CALN1: variants seen among roughly 807,000 people sequenced by gnomAD.
The protein encoded by CALN1 is calneuron 1.
CALN1 carries 17 observed loss-of-function variants against 30.6 expected under a neutral mutation model. The observed-to-expected ratio is 0.56, with a 90% CI of 0.38 to 0.83. The LOEUF (loss-of-function observed/expected upper bound fraction) is 0.83. Ranked by LOEUF, CALN1 falls within the 40% of genes least tolerant of loss-of-function variation. The probability of loss-of-function intolerance (pLI) is 0.00; values close to 1 mark genes in which losing one functional copy is unlikely to be tolerated. For missense variants in CALN1, 291 were observed against 354.9 expected (o/e 0.82, Z 1.45); for synonymous variants, 156 against 131.4 (o/e 1.19, Z -1.28).
At position 72,021,454 on chromosome 7, in the gene CALN1, G is replaced by A. The variant is rs1186811736; in HGVS notation, c.501+2203C>T. 2.6e-5 allele frequency among the ~76,000 whole-genome samples: 4 copies of A among 152,156 alleles called. No individual in the cohort carries two copies. In the East Asian group the frequency reaches 5.8e-4, roughly 22 times the overall value. On this transcript the variant is annotated intron_variant, in intron 5 of 6. Transcript: ENST00000395275. ...TATTCCTTCATCTTCTGAACTCTGGGGTCATTTCTTATTTCCACCAGGGGA... is the reference window on the plus strand; with the variant it reads ...TATTCCTTCATCTTCTGAACTCTGGAGTCATTTCTTATTTCCACCAGGGGA...
chr7:72,457,233 C>T, the CALN1 span, among the ~76,000 whole-genome samples: 1 of 152,106 alleles, frequency 6.6e-6, no homozygotes, highest in African/African-American at 2.4e-5. Flanking sequence ...TGGTCTCGAA[C>T]TCCTGACCTC....
At chr7:72,126,654 T>G (rs1808786173) in intron 3 of CALN1, among the ~76,000 whole-genome samples, 1 of 152,122 alleles carries the variant, frequency 6.6e-6, no homozygotes, top group Non-Finnish European at 1.5e-5. Context: ...ATATCATGTT[T>G]ATGCCTTTGC....
chr7:71,789,023 A>G (rs60553184), intron 6 of CALN1, among the ~76,000 whole-genome samples: 55,060 of 151,824 alleles, frequency 0.36, 10,382 homozygotes, highest in East Asian at 0.61. Context: ...GTATAATCTC[A>G]AACTCCTGAG....
chr7:71,894,807 T>G (rs879787123), intron 5 of CALN1, among the ~76,000 whole-genome samples: 9 of 152,238 alleles, frequency 5.9e-5, no homozygotes, highest in Non-Finnish European at 1.2e-4. Context: ...GTAGTTTAAT[T>G]TGTATCAATT....
intron 5 of CALN1, among the ~76,000 whole-genome samples, chr7:71,900,232 TA>T (rs1252608147): frequency 6.6e-6 from 1 of 152,190 alleles, no homozygotes; most frequent in East Asian, 1.9e-4. Context: ...TAACTATGGT[TA>T]TTTTTTTAAA....
At chr7:72,179,375 G>A (rs182016865) in intron 3 of CALN1, among the ~76,000 whole-genome samples, 295 of 152,124 alleles carry the variant, frequency 1.9e-3, no homozygotes, top group Middle Eastern at 6.8e-3. Context: ...AATGGCTAGC[G>A]CTGGCAAATA....
rs74680256 is a variant in CALN1 at position 71,962,505 on chromosome 7, C to T, written c.501+61152G>A. Among the ~76,000 whole-genome samples the T allele has an allele frequency of 6.6e-5, 10 of 152,320 alleles. No individual in the cohort carries two copies. The East Asian group carries it at 1.9e-3, about 29-fold the overall frequency. On this transcript the variant is annotated intron_variant, in intron 5 of 6. Transcript: ENST00000395275. The stretch of plus-strand genomic sequence containing the variant: ...GCAAAAGCCATGCCATATTTGAGCC[C>T]TCTGCATTTGCTACCGTTTGAATGG...
chr7:72,441,638 A>G (rs1231697869), intron 1 of CALN1, among the ~76,000 whole-genome samples: 3 of 150,490 alleles, frequency 2.0e-5, no homozygotes, highest in Non-Finnish European at 4.4e-5. Context: ...AGAATGAGCT[A>G]TAAGTCTTGG....
the CALN1 span, among the ~76,000 whole-genome samples, chr7:72,481,039 G>A: frequency 6.6e-6 from 1 of 151,968 alleles, no homozygotes; most frequent in African/African-American, 2.4e-5. Context: ...TGTGACCTCC[G>A]CTTCCCGGGT....
intron 2 of CALN1, among the ~76,000 whole-genome samples, chr7:72,378,742 A>C (rs1211439181): frequency 6.7e-6 from 1 of 148,292 alleles, no homozygotes; most frequent in South Asian, 2.1e-4. Flanking sequence ...CTTTTTCTGT[A>C]TTTTTAGTAG....
chr7:72,275,944 TTGCCTTA>T (rs1262561457), intron 3 of CALN1, among the ~76,000 whole-genome samples: 1 of 152,126 alleles, frequency 6.6e-6, no homozygotes, highest in Non-Finnish European at 1.5e-5. Context: ...CCCTGAACAG[TTGCCTTA>T]GCAGAGCTTG....
At chr7:72,292,491 GC>G (rs1297957710) in intron 2 of CALN1, among the ~76,000 whole-genome samples, 1 of 148,994 alleles carries the variant, frequency 6.7e-6, no homozygotes, top group Non-Finnish European at 1.5e-5. Flanking sequence ...CCTCTCAAAG[GC>G]CATATCTGCT....
At chr7:72,405,882 G>T (rs576876720) in intron 1 of CALN1, among the ~76,000 whole-genome samples, 35 of 152,220 alleles carry the variant, frequency 2.3e-4, no homozygotes, top group Non-Finnish European at 4.1e-4. Context: ...CTCTTGTCAG[G>T]TCCCCCCAGG....
At chr7:72,294,544 G>C (rs1798716726) in intron 2 of CALN1, among the ~76,000 whole-genome samples, 1 of 151,948 alleles carries the variant, frequency 6.6e-6, no homozygotes, top group African/African-American at 2.4e-5. Flanking sequence ...GAGGCCAGGA[G>C]TTTGAGACCA....
At chr7:71,849,202 T>C (rs1309349404) in intron 5 of CALN1, among the ~76,000 whole-genome samples, 1 of 152,190 alleles carries the variant, frequency 6.6e-6, no homozygotes, top group Non-Finnish European at 1.5e-5. Flanking sequence ...TGTAGCTTTT[T>C]TACATCTCCA....
chr7:72,440,720 C>T (rs1402871225), intron 1 of CALN1, among the ~76,000 whole-genome samples: 3 of 152,032 alleles, frequency 2.0e-5, no homozygotes, highest in East Asian at 1.9e-4. Flanking sequence ...CCAGCTACTC[C>T]GGAGGCTGAA....
intron 2 of CALN1, among the ~76,000 whole-genome samples, chr7:72,310,987 G>T (rs1423109081): frequency 6.7e-6 from 1 of 150,018 alleles, no homozygotes; most frequent in Non-Finnish European, 1.5e-5. Context: ...ATATGACATT[G>T]AAAGGCACGG....
chr7:72,445,622 G>A (rs777162402), intron 1 of CALN1, among the ~76,000 whole-genome samples: 2 of 152,116 alleles, frequency 1.3e-5, no homozygotes, highest in Admixed American at 6.6e-5. Context: ...TCCATCAAGC[G>A]CTTCACTCAT....
At chr7:71,899,587 A>G (rs941984253) in intron 5 of CALN1, among the ~76,000 whole-genome samples, 3 of 152,216 alleles carry the variant, frequency 2.0e-5, no homozygotes, top group Admixed American at 6.5e-5. Context: ...GCAAAAGCCT[A>G]TATCTTAAAG....
Sources: gnomAD v4.1 joint callset for allele counts (sites outside exome capture counted in the v4.1 genomes callset) on GRCh38, gnomAD v4.1.1 for gene constraint, MANE v1.5 for transcripts, NCBI Gene and HGNC (gene_info 2026-07-23, HGNC 2026-07-21) for gene names.